Variants in SPAG16 observed in about 807,000 individuals in gnomAD.
SPAG16 encodes the protein sperm-associated antigen 16 protein.
Under a neutral mutation model 80.4 loss-of-function variants are expected in SPAG16, and 86 were observed. The observed-to-expected ratio is 1.07, with a 90% CI of 0.90 to 1.28. The LOEUF (loss-of-function observed/expected upper bound fraction) is 1.28, where lower values mean the gene tolerates loss of function less well. Among genes scored for constraint, SPAG16 ranks in the 50% most tolerant of loss-of-function variants. SPAG16 has a pLI of 0.00. For synonymous variants in SPAG16, 294 were observed against 265.9 expected (o/e 1.11, Z -1.03); for missense variants, 870 against 765.3 (o/e 1.14, Z -1.61).
chr2:214,315,747 G>C (rs1166763190), intron 15 of SPAG16, among the ~76,000 whole-genome samples: 1 of 151,990 alleles, frequency 6.6e-6, no homozygotes, highest in Non-Finnish European at 1.5e-5. Flanking sequence ...GTCCAGGCTA[G>C]TCTCAAACTC....
intron 10 of SPAG16, among the ~76,000 whole-genome samples, chr2:213,564,246 T>C (rs2125989509): frequency 6.6e-6 from 1 of 151,838 alleles, no homozygotes; most frequent in South Asian, 2.1e-4. Flanking sequence ...AAAAAACGAG[T>C]ATGTCTGGGA....
At chr2:214,286,319 G>A (rs1693357112) in intron 15 of SPAG16, among the ~76,000 whole-genome samples, 1 of 152,048 alleles carries the variant, frequency 6.6e-6, no homozygotes, top group African/African-American at 2.4e-5. Context: ...CTCTTATTAA[G>A]TGTTCTCACC....
At chr2:213,424,242 C>A (rs2069769768) in intron 9 of SPAG16, among the ~76,000 whole-genome samples, 1 of 152,150 alleles carries the variant, frequency 6.6e-6, no homozygotes, top group African/African-American at 2.4e-5. Context: ...TTCAAAGACA[C>A]TCAGTTCCTT....
chr2:213,792,212 A>C (rs1559472602), intron 10 of SPAG16, among the ~76,000 whole-genome samples: 2 of 152,234 alleles, frequency 1.3e-5, no homozygotes, highest in Non-Finnish European at 2.9e-5. Context: ...ATAAAATAAA[A>C]GTGCCAAGGA....
chr2:214,300,058 G>A (rs1322700397), intron 15 of SPAG16, among the ~76,000 whole-genome samples: 3 of 151,986 alleles, frequency 2.0e-5, no homozygotes, highest in Non-Finnish European at 4.4e-5. Context: ...CAAAATAACC[G>A]GTATCTCTAA....
At chr2:214,242,840 A>T (rs1689586741) in intron 15 of SPAG16, among the ~76,000 whole-genome samples, 1 of 152,146 alleles carries the variant, frequency 6.6e-6, no homozygotes, top group South Asian at 2.1e-4. Context: ...TTCTAATCAG[A>T]TGCTAAATGT....
chr2:213,558,899 C>T (rs990478392), intron 10 of SPAG16, among the ~76,000 whole-genome samples: 2 of 152,200 alleles, frequency 1.3e-5, no homozygotes, highest in Admixed American at 1.3e-4. Context: ...TGTTTCAATG[C>T]ATGTCGTGAC....
chr2:213,879,882 C>T lies in SPAG16; in HGVS notation c.1214+17254C>T, dbSNP rs183579903. 2.6e-4 allele frequency among the ~76,000 whole-genome samples: 39 copies of T among 152,162 alleles called. 1 individual carries two copies. In the Middle Eastern group the frequency reaches 0.01, roughly 40 times the overall value. On this transcript the variant is annotated intron_variant, in intron 11 of 15. Coordinates refer to ENST00000331683, the MANE Select transcript of SPAG16 (RefSeq NM_024532.5). ...ACCATGTTTTATTTATCCAATCCACCGTTGGTGGGCATCTAGGTTGATTCC... is the reference window on the plus strand; with the variant it reads ...ACCATGTTTTATTTATCCAATCCACTGTTGGTGGGCATCTAGGTTGATTCC...
At chr2:213,948,303 A>T (rs1575621414) in intron 12 of SPAG16, among the ~76,000 whole-genome samples, 2 of 152,302 alleles carry the variant, frequency 1.3e-5, no homozygotes, top group South Asian at 4.1e-4. Flanking sequence ...ACGCAAATGC[A>T]TTTCTGCATA....
At position 214,093,573 on chromosome 2, in the gene SPAG16, G is replaced by A. The variant is rs546116862; in HGVS notation, c.1528-14623G>A. Reference sequence around the variant, plus strand: ...TATGTATCTTTGTGTGTATGTGATTGTGTACTCATGCACGCGTGTCTATGG... The same window carrying A: ...TATGTATCTTTGTGTGTATGTGATTATGTACTCATGCACGCGTGTCTATGG... On this transcript the variant is annotated intron_variant, in intron 13 of 15. Coordinates refer to ENST00000331683, the MANE Select transcript of SPAG16 (RefSeq NM_024532.5). Among the ~76,000 whole-genome samples, 6 of 152,084 alleles carry A rather than the reference G, an allele frequency of 3.9e-5. No homozygotes were observed. The South Asian group carries it at 8.3e-4, about 21-fold the overall frequency.
Position 214,139,288 on chromosome 2 carries a change from G to T in SPAG16, c.1594-9852G>T, listed in dbSNP as rs184270515. Reference sequence around the variant, plus strand: ...TAAGTCCTTCAGAGCATTTGGTGTGGTTTCTTTAATCTCTACCATATTTTT... The same window carrying T: ...TAAGTCCTTCAGAGCATTTGGTGTGTTTTCTTTAATCTCTACCATATTTTT... On this transcript the variant is annotated intron_variant, in intron 14 of 15. Coordinates refer to ENST00000331683, the MANE Select transcript of SPAG16 (RefSeq NM_024532.5). Among the ~76,000 whole-genome samples, 355 of 152,086 alleles carry T rather than the reference G, an allele frequency of 2.3e-3. 3 individuals carry two copies. The highest frequency in any genetic ancestry group is 1.1e-3 in the Non-Finnish European group (73 of 67,968).
At chr2:213,491,730 CAGAG>C (rs1211934864) in intron 10 of SPAG16, among the ~76,000 whole-genome samples, 2 of 152,082 alleles carry the variant, frequency 1.3e-5, no homozygotes, top group African/African-American at 4.8e-5. Context: ...GGAGAAGAAA[CAGAG>C]GGAAACATTT....
At chr2:214,150,824 T>G (rs1014933760) in intron 15 of SPAG16, among the ~76,000 whole-genome samples, 2 of 152,096 alleles carry the variant, frequency 1.3e-5, no homozygotes, top group African/African-American at 2.4e-5. Context: ...ATTTGCATAC[T>G]TAGATAAACA....
intron 15 of SPAG16, among the ~76,000 whole-genome samples, chr2:214,375,113 A>T (rs1700052399): frequency 6.6e-6 from 1 of 152,160 alleles, no homozygotes; most frequent in Non-Finnish European, 1.5e-5. Flanking sequence ...ATTTTCAGGC[A>T]GGTACGTGTT....
At chr2:213,755,371 T>C (rs1378694280) in intron 10 of SPAG16, among the ~76,000 whole-genome samples, 1 of 152,144 alleles carries the variant, frequency 6.6e-6, no homozygotes, top group Admixed American at 6.5e-5. Context: ...AAGTCATAGG[T>C]GTCTGTGTAA....
intron 15 of SPAG16, among the ~76,000 whole-genome samples, chr2:214,391,163 A>G (rs1276163543): frequency 4.6e-5 from 7 of 152,106 alleles, no homozygotes. Flanking sequence ...TGACCCTACT[A>G]CTTACTAGTT....
intron 13 of SPAG16, among the ~76,000 whole-genome samples, chr2:214,038,362 A>G (rs2048820282): frequency 6.6e-6 from 1 of 152,220 alleles, no homozygotes; most frequent in African/African-American, 2.4e-5. Context: ...TCTTCTGTCA[A>G]TTTCAGTTCT....
intron 12 of SPAG16, among the ~76,000 whole-genome samples, chr2:213,985,117 A>G (rs1212744359): frequency 6.6e-6 from 1 of 152,082 alleles, no homozygotes; most frequent in East Asian, 1.9e-4. Flanking sequence ...ACTCTGTCTT[A>G]CTGCTTAGAA....
chr2:214,107,941 C>G (rs2053466773), intron 13 of SPAG16, among the ~76,000 whole-genome samples: 1 of 152,126 alleles, frequency 6.6e-6, no homozygotes, highest in African/African-American at 2.4e-5. Flanking sequence ...TGAGAGTTTA[C>G]TACCAGCTCA....
Sources: allele counts gnomAD v4.1 joint callset (sites outside exome capture counted in the v4.1 genomes callset), GRCh38; gene constraint gnomAD v4.1.1; transcripts MANE v1.5; gene names NCBI Gene and HGNC (gene_info 2026-07-23, HGNC 2026-07-21).